TDRD5: variants seen among roughly 807,000 people sequenced by gnomAD.
TDRD5 encodes tudor domain-containing protein 5.
In TDRD5, 41 loss-of-function variants were observed where a neutral mutation model predicts 120.6. The observed-to-expected ratio is 0.34, with a 90% CI of 0.26 to 0.44. The LOEUF (loss-of-function observed/expected upper bound fraction) is 0.44. Ranked by LOEUF, TDRD5 falls within the 20% of genes least tolerant of loss-of-function variation. The pLI, the probability that TDRD5 is intolerant of heterozygous loss-of-function variation, is 1.00. For synonymous variants in TDRD5, 430 were observed against 433.7 expected (o/e 0.99, Z 0.11); for missense variants, 1,006 against 1,221.2 (o/e 0.82, Z 2.63).
At position 179,660,453 on chromosome 1, in the gene TDRD5, C is replaced by G. The variant is rs538482624; in HGVS notation, c.2323-1651C>G. On this transcript the variant is annotated intron_variant, in intron 14 of 17. Transcript: ENST00000444136. ...TCCAGGATGGTCTCAATCTCCTGAC[C>G]TCATGATCCGCCCACCTTGACTTCC... Among the ~76,000 whole-genome samples, 915 of 151,996 alleles carry G rather than the reference C, an allele frequency of 6.0e-3. 12 individuals are homozygous for G. Among genetic ancestry groups the G allele is most frequent in the African/African-American group, 0.02 (828 of 41,468 alleles).
intron 3 of TDRD5, among the ~76,000 whole-genome samples, chr1:179,594,085 A>G (rs74501946): frequency 0.012 from 1,888 of 152,312 alleles, 39 homozygotes; most frequent in East Asian, 0.063. Context: ...ACCTTACATG[A>G]GGTGAGTTCT....
intron 14 of TDRD5, among the ~76,000 whole-genome samples, chr1:179,657,032 GGAC>G (rs1426636867): frequency 6.6e-6 from 1 of 152,134 alleles, no homozygotes; most frequent in Non-Finnish European, 1.5e-5. Context: ...ACTCCAGCCT[GGAC>G]GACAAGAGCA....
At chr1:179,680,542 A>G (rs1680367275) in intron 17 of TDRD5, among the ~76,000 whole-genome samples, 1 of 152,170 alleles carries the variant, frequency 6.6e-6, no homozygotes, top group African/African-American at 2.4e-5. Context: ...ATCCTTCATA[A>G]TATTCTTTGC....
Position 179,595,724 on chromosome 1 carries a change from T to G in TDRD5, c.737T>G (p.Met246Arg). Residue 246 changes from methionine (M) to arginine (R), a missense_variant, in exon 4 of 18, where the codon ATG becomes AGG. By Grantham distance (91) the Met-to-Arg change is moderately conservative. Around this residue, in one of 3 missense-constraint regions of TDRD5, gnomAD observed 445 missense variants for 515.5 expected, o/e 0.86. Coordinates refer to ENST00000444136, the MANE Select transcript of TDRD5 (RefSeq NM_001199085.3). ...TGCTTTTCACAACCCACTTCAAACATGGAACCACCGAAGCAAATAATGAGC... is the reference window on the plus strand; with the variant it reads ...TGCTTTTCACAACCCACTTCAAACAGGGAACCACCGAAGCAAATAATGAGC... ...KPCFSQPTSN[M>R]EPPKQIMSME... 1 of 1,613,810 alleles carries G rather than the reference T, an allele frequency of 6.2e-7. No homozygotes were observed. Among genetic ancestry groups the G allele is most frequent in the Non-Finnish European group, 8.5e-7 (1 of 1,179,824 alleles).
chr1:179,665,403 T>C (rs570980585), intron 16 of TDRD5, among the ~76,000 whole-genome samples: 4 of 152,256 alleles, frequency 2.6e-5, no homozygotes, highest in Non-Finnish European at 5.9e-5. Context: ...CTTTGATCCA[T>C]TTTGAGTTAA....
At chr1:179,624,010 G>C (rs1411660150) in intron 6 of TDRD5, among the ~76,000 whole-genome samples, 1 of 152,000 alleles carries the variant, frequency 6.6e-6, no homozygotes, top group Non-Finnish European at 1.5e-5. Context: ...AAACCAATTA[G>C]AACATGTTTC....
In TDRD5 at chr1:179,592,796, C is replaced by A. The variant is rs777704962; in HGVS notation, c.181C>A (p.Pro61Thr). The A allele has an allele frequency of 1.2e-6, 2 of 1,614,124 alleles. No individual in the cohort carries two copies. The highest frequency in any genetic ancestry group is 2.2e-5 in the South Asian group (2 of 91,084). ...RSTMELVLDM[P>T]DVVRVCPGAG... ...CACTATGGAGCTGGTATTGGACATG[C>A]CTGATGTTGTTCGTGTCTGCCCCGG... is the stretch of plus-strand genomic sequence containing the variant. Residue 61 changes from proline (P) to threonine (T), a missense_variant, in exon 2 of 18, where the codon CCT becomes ACT. Pro to Thr is a conservative substitution (Grantham distance 38, BLOSUM62 -1). Coordinates refer to ENST00000444136, the MANE Select transcript of TDRD5 (RefSeq NM_001199085.3).
At position 179,687,049 on chromosome 1, in the gene TDRD5, C is replaced by T. The variant is rs180685938; in HGVS notation, c.2861-3647C>T. ...TTTTGTGTCTCTATCTCCTTCAGTT[C>T]TGCTCTGATCTTAGTTACTTCCTGT... On this transcript the variant is annotated intron_variant, in intron 17 of 17. Coordinates refer to ENST00000444136, the MANE Select transcript of TDRD5 (RefSeq NM_001199085.3). 5.4e-3 allele frequency among the ~76,000 whole-genome samples: 829 copies of T among 152,304 alleles called. 1 individual carries two copies. The highest frequency in any genetic ancestry group is 8.9e-3 in the Non-Finnish European group (604 of 68,028).
intron 7 of TDRD5, among the ~76,000 whole-genome samples, chr1:179,634,170 C>CAAA (rs34143534): frequency 6.9e-6 from 1 of 145,560 alleles, no homozygotes; most frequent in Non-Finnish European, 1.5e-5. Flanking sequence ...GACTTCATCT[C>CAAA]AAAAAACAAA....
chr1:179,634,649 T>A lies in TDRD5; in HGVS notation c.1299+20T>A. ...CAGCTGGTGAGTGAGGTTTAAAGACTGTGCACTGGAGATTCAGCATTATGG... is the reference window on the plus strand; with the variant it reads ...CAGCTGGTGAGTGAGGTTTAAAGACAGTGCACTGGAGATTCAGCATTATGG... On this transcript the variant is annotated intron_variant, in intron 8 of 17. Transcript: ENST00000444136. The A allele has an allele frequency of 6.3e-7, 1 of 1,583,660 alleles. No individual in the cohort carries two copies. The highest frequency in any genetic ancestry group is 8.5e-7 in the Non-Finnish European group (1 of 1,171,440).
At chr1:179,651,964 GTTA>G in intron 12 of TDRD5, 72 bp from the exon 13 acceptor site, 1 of 1,470,284 alleles carries the variant, frequency 6.8e-7, no homozygotes, top group East Asian at 2.3e-5. Context: ...GCATTTGAAA[GTTA>G]TTAAGTGCTT....
intron 4 of TDRD5, among the ~76,000 whole-genome samples, chr1:179,597,790 T>C (rs1350060086): frequency 6.6e-6 from 1 of 152,194 alleles, no homozygotes; most frequent in Non-Finnish European, 1.5e-5. Context: ...GGATCAAAGT[T>C]TTCTGCATAT....
chr1:179,642,611 C>CT (rs1332315533), intron 11 of TDRD5, among the ~76,000 whole-genome samples: 4 of 152,292 alleles, frequency 2.6e-5, no homozygotes, highest in Admixed American at 2.6e-4. Context: ...CTTCATAATG[C>CT]TTTATCACTA....
chr1:179,603,718 T>C (rs1675832573), intron 4 of TDRD5, among the ~76,000 whole-genome samples: 1 of 152,226 alleles, frequency 6.6e-6, no homozygotes, highest in African/African-American at 2.4e-5. Context: ...GCCTCCCTGG[T>C]ATGAAACTCA....
intron 15 of TDRD5, 123 bp downstream of exon 15, chr1:179,662,409 T>G: frequency 5.1e-6 from 5 of 970,974 alleles, no homozygotes; most frequent in Non-Finnish European, 7.3e-6. Flanking sequence ...ATGACCAGCC[T>G]GGGCAACATG....
At chr1:179,632,730 C>G (rs1291907151) in intron 7 of TDRD5, among the ~76,000 whole-genome samples, 1 of 151,950 alleles carries the variant, frequency 6.6e-6, no homozygotes, top group East Asian at 1.9e-4. Flanking sequence ...TAGCTAATTA[C>G]CACCTGTATA....
At chr1:179,633,956 G>T (rs1009715732) in intron 7 of TDRD5, among the ~76,000 whole-genome samples, 2 of 151,852 alleles carry the variant, frequency 1.3e-5, no homozygotes, top group African/African-American at 4.8e-5. Context: ...CAGATCACGA[G>T]GTCAGGAGAT....
intron 4 of TDRD5, among the ~76,000 whole-genome samples, chr1:179,611,926 C>A (rs1449266659): frequency 1.3e-5 from 2 of 152,102 alleles, no homozygotes. Context: ...AATTCCCAAA[C>A]TATGTATTTT....
At chr1:179,603,264 A>T (rs998504381) in intron 4 of TDRD5, among the ~76,000 whole-genome samples, 1 of 152,182 alleles carries the variant, frequency 6.6e-6, no homozygotes, top group African/African-American at 2.4e-5. Context: ...TATCAGCTCT[A>T]GGATCTTTCT....
Sources: allele counts gnomAD v4.1 joint callset (sites outside exome capture counted in the v4.1 genomes callset), GRCh38; gene constraint gnomAD v4.1.1; regional missense constraint gnomAD v4.1.1; transcripts MANE v1.5; gene names NCBI Gene and HGNC (gene_info 2026-07-23, HGNC 2026-07-21).